The following AMMECR1 variants were observed in gnomAD, a reference collection of about 807,000 sequenced individuals.
AMMECR1 encodes the protein AMMECR nuclear protein 1.
A neutral mutation model predicts 22.5 loss-of-function variants in AMMECR1; 3 were observed. That is an observed-to-expected ratio of 0.13 (90% CI 0.06 to 0.35). The LOEUF is 0.35. Among genes scored for constraint, AMMECR1 ranks in the 10% least tolerant of loss-of-function variants. AMMECR1 has a pLI of 1.00. For synonymous variants in AMMECR1, 130 were observed against 116.7 expected, an observed-to-expected ratio of 1.11 and a Z score of -0.74; for missense variants, 235 against 278.7, an observed-to-expected ratio of 0.84 and a Z score of 1.12.
In AMMECR1 at chrX:110,418,396, C is replaced by T. The variant is rs149583737; in HGVS notation, c.-148+8262G>A. On this transcript the variant is annotated intron_variant, in intron 2 of 7. Transcript: ENST00000372057. ...CTGCGGTGAATACAAAAGAAAACAA[C>T]TCAATTCCTCAAGTGTGTGCCGATG... 6.5e-3 allele frequency among the ~76,000 whole-genome samples: 734 copies of T among 112,254 alleles called. 6 individuals are homozygous for T. Among genetic ancestry groups the T allele is most frequent in the African/African-American group, 0.023 (710 of 30,885 alleles).
At chrX:110,314,202 C>T (rs762193817) in intron 1 of AMMECR1, among the ~76,000 whole-genome samples, 11 of 111,824 alleles carry the variant, frequency 9.8e-5, no homozygotes, top group Admixed American at 1.9e-4. Context: ...AGGTCTGAGG[C>T]GGGGCCTGAG....
intron 2 of AMMECR1, among the ~76,000 whole-genome samples, chrX:110,256,228 A>G (rs1233106429): frequency 1.8e-5 from 2 of 112,134 alleles, no homozygotes; most frequent in African/African-American, 3.2e-5. Context: ...CTGTAACACA[A>G]TCGTTAAGTA....
At chrX:110,412,190 G>A (rs888768316) in intron 2 of AMMECR1, among the ~76,000 whole-genome samples, 2 of 112,366 alleles carry the variant, frequency 1.8e-5, no homozygotes, top group Admixed American at 9.4e-5. Context: ...GTGAGAATCT[G>A]GTGAAACAGC....
intron 2 of AMMECR1, chrX:110,346,771 G>A (rs772400442): frequency 2.6e-6 from 2 of 778,373 alleles, no homozygotes; most frequent in East Asian, 6.3e-5. Flanking sequence ...GTCAGCAGAG[G>A]GTCATGTTGA....
intron 1 of AMMECR1, among the ~76,000 whole-genome samples, chrX:110,280,902 T>G (rs968675528): frequency 8.9e-6 from 1 of 112,031 alleles, no homozygotes; most frequent in African/African-American, 3.2e-5. Flanking sequence ...GACATCTTTA[T>G]TTATTAAAGT....
intron 1 of AMMECR1, among the ~76,000 whole-genome samples, chrX:110,316,338 T>C (rs1179528512): frequency 1.8e-5 from 2 of 111,789 alleles, no homozygotes; most frequent in Non-Finnish European, 3.8e-5. Flanking sequence ...GGAGCAGTTT[T>C]AAAAGAACAT....
At chrX:110,212,970 G>A (rs1446491222) in intron 3 of AMMECR1, among the ~76,000 whole-genome samples, 3 of 111,558 alleles carry the variant, frequency 2.7e-5, no homozygotes, top group Admixed American at 9.5e-5. Flanking sequence ...GTTATTCTCA[G>A]AATGGTGTAA....
At chrX:110,438,774 G>A (rs1010681702) in intron 1 of AMMECR1, among the ~76,000 whole-genome samples, 1 of 111,528 alleles carries the variant, frequency 9.0e-6, no homozygotes. Context: ...TGTTTATTTT[G>A]TCAATCAGAG....
At chrX:110,261,539 G>T (rs1385854516) in intron 2 of AMMECR1, among the ~76,000 whole-genome samples, 2 of 111,020 alleles carry the variant, frequency 1.8e-5, no homozygotes, top group Non-Finnish European at 3.8e-5. Flanking sequence ...AGTCCATGTA[G>T]CCAAAGAATA....
intron 2 of AMMECR1, among the ~76,000 whole-genome samples, chrX:110,380,696 A>G (rs1483217503): frequency 8.9e-6 from 1 of 112,689 alleles, no homozygotes; most frequent in Non-Finnish European, 1.9e-5. Context: ...TTCAAACTAT[A>G]CTACAAGGCT....
At position 110,317,821 on chromosome X, in the gene AMMECR1, G is replaced by A; in HGVS notation, c.251C>T (p.Ala84Val). The change falls in exon 1 of 6, where the codon GCC (alanine) becomes GTC (valine). Residue 84 changes from alanine (A) to valine (V), a missense_variant. Ala to Val is a moderately conservative substitution (Grantham distance 64). Transcript: ENST00000262844. ...QGCGGGGGGI[A>V]LSPPPSCGVG... ...TCCGCAGCTCGGAGGTGGCGACAGG[G>A]CGATCCCCCCGCCGCCGCCGCCGCA... is the stretch of plus-strand genomic sequence containing the variant. 1 of 1,158,353 alleles carries A rather than the reference G, an allele frequency of 8.6e-7. No individual in the cohort carries two copies. Among genetic ancestry groups the A allele is most frequent in the East Asian group, 3.2e-5 (1 of 30,869 alleles).
intron 1 of AMMECR1, among the ~76,000 whole-genome samples, chrX:110,282,510 T>C (rs2067857555): frequency 9.0e-6 from 1 of 111,117 alleles, no homozygotes; most frequent in African/African-American, 3.3e-5. Flanking sequence ...TGCTAAGTAT[T>C]ATAATTCTGT....
chrX:110,339,973 T>TACACACACAC (rs35459612), intron 2 of AMMECR1, among the ~76,000 whole-genome samples: 31 of 78,797 alleles, frequency 3.9e-4, no homozygotes, highest in Middle Eastern at 7.1e-3. Flanking sequence ...AGGCAAAACA[T>TACACACACAC]ACACACACAC....
At chrX:110,344,686 A>C (rs1358881057) in intron 2 of AMMECR1, among the ~76,000 whole-genome samples, 1 of 111,673 alleles carries the variant, frequency 9.0e-6, no homozygotes, top group East Asian at 2.8e-4. Flanking sequence ...TGGGCAAAGG[A>C]TATGAACAGA....
At position 110,210,587 on chromosome X, in the gene AMMECR1, G is replaced by A. The variant is rs182691283; in HGVS notation, c.699+5931C>T. Among the ~76,000 whole-genome samples, 186 of 111,744 alleles carry A rather than the reference G, an allele frequency of 1.7e-3. 1 individual carries two copies. The highest frequency in any genetic ancestry group is 2.9e-3 in the Non-Finnish European group (152 of 53,107). ...GAGCTAAAAAATGTAAACCTTTAAGGGGGGAGTGAGGGTGAAAAGAACATT... is the reference window on the plus strand; with the variant it reads ...GAGCTAAAAAATGTAAACCTTTAAGAGGGGAGTGAGGGTGAAAAGAACATT... On this transcript the variant is annotated intron_variant, in intron 3 of 5. Coordinates refer to ENST00000262844, the MANE Select transcript of AMMECR1 (RefSeq NM_015365.3).
chrX:110,226,166 A>G (rs1048970525), intron 2 of AMMECR1, among the ~76,000 whole-genome samples: 10 of 111,975 alleles, frequency 8.9e-5, no homozygotes, highest in African/African-American at 2.6e-4. Flanking sequence ...CAGAAAGCCA[A>G]TATCTGCTAA....
chrX:110,350,261 G>T (rs2068206162), intron 2 of AMMECR1, among the ~76,000 whole-genome samples: 2 of 111,738 alleles, frequency 1.8e-5, no homozygotes, highest in South Asian at 7.5e-4. Flanking sequence ...CATCTTTGGT[G>T]AGGGGCTTCT....
chrX:110,411,175 C>T (rs985999438), intron 2 of AMMECR1, among the ~76,000 whole-genome samples: 6 of 111,815 alleles, frequency 5.4e-5, no homozygotes, highest in Admixed American at 9.5e-5. Flanking sequence ...TGAACCTTGG[C>T]GTGGGTCAGG....
intron 1 of AMMECR1, among the ~76,000 whole-genome samples, chrX:110,274,889 T>C (rs1312523600): frequency 8.9e-6 from 1 of 111,900 alleles, no homozygotes; most frequent in Non-Finnish European, 1.9e-5. Flanking sequence ...TTTAGTAATT[T>C]TTCTAGGTTG....
Sources: allele counts gnomAD v4.1 joint callset (sites outside exome capture counted in the v4.1 genomes callset), GRCh38; gene constraint gnomAD v4.1.1; transcripts MANE v1.5; gene names NCBI Gene and HGNC (gene_info 2026-07-23, HGNC 2026-07-21).